PFKP: variants seen among roughly 807,000 people sequenced by gnomAD.
The protein encoded by PFKP is phosphofructokinase, platelet, also known as ATP-dependent 6-phosphofructokinase, platelet type.
Under a neutral mutation model 94.3 loss-of-function variants are expected in PFKP, and 101 were observed. That is an observed-to-expected ratio of 1.07 (90% CI 0.91 to 1.26). PFKP has a LOEUF of 1.26. Ranked by LOEUF, PFKP falls within the 50% of genes most tolerant of loss-of-function variation. The probability of loss-of-function intolerance (pLI) is 0.00; values close to 1 mark genes in which losing one functional copy is unlikely to be tolerated. For missense variants in PFKP, 1,145 were observed against 1,103.3 expected, an observed-to-expected ratio of 1.04 and a Z score of -0.53; for synonymous variants, 573 against 432.6, an observed-to-expected ratio of 1.32 and a Z score of -4.03.
chr10:3,089,125 G>T (rs186612921), intron 2 of PFKP, among the ~76,000 whole-genome samples: 209 of 152,152 alleles, frequency 1.4e-3, no homozygotes, highest in African/African-American at 5.0e-3. Context: ...TAGAGATGGG[G>T]TTTCACCATG....
intron 4 of PFKP, among the ~76,000 whole-genome samples, chr10:3,102,263 A>AAAAAAAAAAAC (rs1564300798): frequency 6.8e-6 from 1 of 146,836 alleles, no homozygotes; most frequent in Non-Finnish European, 1.5e-5. Context: ...AAAAAAAAAA[A>AAAAAAAAAAAC]AAAAAAAAAA....
chr10:3,103,238 T>A (rs1055805390), intron 4 of PFKP, among the ~76,000 whole-genome samples: 2 of 152,244 alleles, frequency 1.3e-5, no homozygotes, highest in Non-Finnish European at 2.9e-5. Context: ...ATTTTTCTAA[T>A]CCACTGCTCT....
At chr10:3,070,631 G>A (rs1832109411) in intron 1 of PFKP, among the ~76,000 whole-genome samples, 1 of 152,174 alleles carries the variant, frequency 6.6e-6, no homozygotes, top group African/African-American at 2.4e-5. Context: ...TTTTGGAAGT[G>A]GGGAGAAAGA....
Position 3,077,556 on chromosome 10 carries a change from G to A in PFKP, c.113-4832G>A, listed in dbSNP as rs578014599. Among the ~76,000 whole-genome samples the A allele has an allele frequency of 7.9e-5, 12 of 151,360 alleles. 1 individual carries two copies. Among genetic ancestry groups the A allele is most frequent in the African/African-American group, 2.4e-4 (10 of 41,066 alleles). ...GCTGGGATTACAGGCATGAGGCATC[G>A]TGCCTGGCCTATTCCTTACTTTTTA... On this transcript the variant is annotated intron_variant, in intron 1 of 21. Transcript: ENST00000381125.
chr10:3,086,579 A>G (rs1453110292), intron 2 of PFKP, among the ~76,000 whole-genome samples: 1 of 152,220 alleles, frequency 6.6e-6, no homozygotes, highest in East Asian at 1.9e-4. Flanking sequence ...TACGATGGAC[A>G]GGACCACACC....
intron 13 of PFKP, among the ~76,000 whole-genome samples, chr10:3,115,430 G>A (rs367883810): frequency 0.019 from 345 of 18,304 alleles, 7 homozygotes; most frequent in Middle Eastern, 0.088. Context: ...CGCCATGGAG[G>A]ACAGGACTGG....
chr10:3,131,543 G>A (rs555663444), intron 17 of PFKP, among the ~76,000 whole-genome samples: 129 of 152,254 alleles, frequency 8.5e-4, no homozygotes, highest in African/African-American at 2.8e-3. Flanking sequence ...TGCAACTTCC[G>A]CCTCCTGGGT....
chr10:3,070,446 T>C (rs1443175014), intron 1 of PFKP: 1 of 152,248 alleles, frequency 6.6e-6, no homozygotes, highest in Non-Finnish European at 1.5e-5. Context: ...AGAGAACATA[T>C]TCACATTCAC....
At chr10:3,068,800 G>A (rs1047806697) in intron 1 of PFKP, 76 of 640,194 alleles carry the variant, frequency 1.2e-4, no homozygotes, top group Non-Finnish European at 1.4e-4. Flanking sequence ...CGCGCAGGCT[G>A]GAGACGCGGC....
intron 1 of PFKP, among the ~76,000 whole-genome samples, chr10:3,079,261 G>T (rs1015625337): frequency 6.6e-6 from 1 of 151,288 alleles, no homozygotes; most frequent in African/African-American, 2.4e-5. Flanking sequence ...CTGAGACAGA[G>T]TCTCGCTCTG....
chr10:3,083,651 T>G (rs1833258974), intron 2 of PFKP, among the ~76,000 whole-genome samples: 1 of 150,796 alleles, frequency 6.6e-6, no homozygotes, highest in African/African-American at 2.4e-5. Context: ...TATTTTATTT[T>G]ATTTTTTTTG....
intron 4 of PFKP, among the ~76,000 whole-genome samples, chr10:3,102,232 CAG>C (rs1262892581): frequency 1.1e-3 from 103 of 97,232 alleles, no homozygotes; most frequent in African/African-American, 4.0e-3. Flanking sequence ...GCCTGGGCGA[CAG>C]AGCGAGACTC....
rs144531802 is a variant in PFKP at position 3,103,915 on chromosome 10, C to A, written c.591C>A (p.Val197=). The A allele has an allele frequency of 5.0e-6, 8 of 1,613,654 alleles. No homozygotes were observed. In the East Asian group the frequency reaches 1.3e-4, roughly 27 times the overall value. ...CCGCCCTGCACAGGATCATCGAGGT[C>A]GTCGACGCCATCATGACCACGGCCC... is the stretch of plus-strand genomic sequence containing the variant. ...TDSALHRIIE[V]VDAIMTTAQS... is the part of the protein sequence containing the mutation. Residue 197 remains valine, a synonymous_variant, in exon 5 of 22, where the codon GTC becomes GTA. Transcript: ENST00000381125.
At chr10:3,082,317 A>C (rs1375919274) in intron 1 of PFKP, 71 bp from the exon 2 acceptor site, 3 of 1,148,604 alleles carry the variant, frequency 2.6e-6, no homozygotes, top group Non-Finnish European at 3.8e-6. Flanking sequence ...ACCCATGGTC[A>C]TGGGTAGTTA....
rs1415679254 is a variant in PFKP, at chr10:3,118,806, A to G, written c.1467A>G (p.Glu489=). The change falls in exon 15 of 22, where the codon GAA becomes GAG. Residue 489 remains glutamate (E), a synonymous_variant. Transcript: ENST00000381125. ...TKRVLPGKYL[E]EIATQMRTHS... ...GCGTTCTCCCGGGGAAGTACTTGGA[A>G]GAGATCGCCACACAGATGCGCACGC... 6.2e-7 allele frequency: 1 copy of G among 1,613,744 alleles called. No homozygotes were observed. The highest frequency in any genetic ancestry group is 1.1e-5 in the South Asian group (1 of 90,986).
In PFKP at chr10:3,093,789, T is replaced by G. The variant is rs915242551; in HGVS notation, c.187-5486T>G. On this transcript the variant is annotated intron_variant, in intron 2 of 21. Transcript: ENST00000381125. Reference sequence around the variant, plus strand: ...CTCCCGAGCAGCTGGGACTACAGGCTCCCGCCACCACACCCGGCTAATTTT... The same window carrying G: ...CTCCCGAGCAGCTGGGACTACAGGCGCCCGCCACCACACCCGGCTAATTTT... Among the ~76,000 whole-genome samples the G allele has an allele frequency of 1.8e-3, 277 of 151,918 alleles. 2 individuals carry two copies. The highest frequency in any genetic ancestry group is 5.8e-3 in the African/African-American group (239 of 41,438).
intron 8 of PFKP, chr10:3,108,052 C>T (rs1835810108): frequency 1.6e-6 from 2 of 1,269,048 alleles, no homozygotes; most frequent in Non-Finnish European, 2.1e-6. Context: ...CAGTGATGGA[C>T]ACCTGGGAAA....
chr10:3,121,949 G>A (rs146225697), intron 16 of PFKP, among the ~76,000 whole-genome samples: 1 of 151,496 alleles, frequency 6.6e-6, no homozygotes, highest in African/African-American at 2.4e-5. Flanking sequence ...AGCCTCCTGA[G>A]TAGCTGGGAC....
chr10:3,102,269 A>C (rs1365937896), intron 4 of PFKP, among the ~76,000 whole-genome samples: 1 of 148,148 alleles, frequency 6.8e-6, no homozygotes, highest in Non-Finnish European at 1.5e-5. Context: ...AAAAAAAAAA[A>C]AAAACTGAAG....
Sources: allele counts gnomAD v4.1 joint callset (sites outside exome capture counted in the v4.1 genomes callset), GRCh38; gene constraint gnomAD v4.1.1; transcripts MANE v1.5; gene names NCBI Gene and HGNC (gene_info 2026-07-23, HGNC 2026-07-21).